Variants in PI4K2B observed in about 807,000 individuals in gnomAD.
PI4K2B encodes the protein phosphatidylinositol 4-kinase type 2 beta.
A neutral mutation model predicts 56.6 loss-of-function variants in PI4K2B; 46 were observed. That is an observed-to-expected ratio of 0.81 (90% CI 0.64 to 1.04). The LOEUF is 1.04. Ranked by LOEUF, PI4K2B falls within the 50% of genes least tolerant of loss-of-function variation. The probability of loss-of-function intolerance (pLI) is 0.00; values close to 1 mark genes in which losing one functional copy is unlikely to be tolerated. For missense variants in PI4K2B, 556 were observed against 607.7 expected, an observed-to-expected ratio of 0.91 and a Z score of 0.89; for synonymous variants, 211 against 223.8, an observed-to-expected ratio of 0.94 and a Z score of 0.51.
intron 7 of PI4K2B, 152 bp downstream of exon 7, chr4:25,264,001 A>G (rs889984162): frequency 4.2e-6 from 2 of 481,504 alleles, no homozygotes; most frequent in Non-Finnish European, 3.7e-6. Context: ...ATGCAAATGT[A>G]TACTACAGGG....
intron 9 of PI4K2B, chr4:25,276,399 T>C: frequency 3.7e-6 from 1 of 270,120 alleles, no homozygotes; most frequent in Non-Finnish European, 5.7e-6. Flanking sequence ...TCCCAAATTC[T>C]CTAACCTATT....
chr4:25,254,325 T>C (rs313536), intron 2 of PI4K2B: 53,081 of 631,650 alleles, frequency 0.084, 2,505 homozygotes, highest in South Asian at 0.16. Context: ...ACAGCAAACA[T>C]GTAATGTGGA....
rs372124355 is a variant in PI4K2B, at chr4:25,246,994, G to C, written c.269-5327G>C. On this transcript the variant is annotated intron_variant, in intron 1 of 9. Coordinates refer to ENST00000264864, the MANE Select transcript of PI4K2B (RefSeq NM_018323.4). The stretch of plus-strand genomic sequence containing the variant: ...GCAGCTCCAGTTCCCACCCGCACCT[G>C]TCCCTCCACACCTCCCCACAAGCTG... 1.2e-3 allele frequency among the ~76,000 whole-genome samples: 178 copies of C among 152,322 alleles called. 2 individuals carry two copies. In the South Asian group the frequency reaches 0.022, roughly 18 times the overall value.
intron 4 of PI4K2B, 66 bp downstream of exon 4, chr4:25,256,740 C>T (rs947439108): frequency 4.9e-6 from 7 of 1,436,516 alleles, no homozygotes; most frequent in African/African-American, 1.4e-5. Flanking sequence ...CTCTAGGAGC[C>T]AGGCATTGTG....
At chr4:25,249,013 T>G (rs1309103797) in intron 1 of PI4K2B, among the ~76,000 whole-genome samples, 1 of 152,142 alleles carries the variant, frequency 6.6e-6, no homozygotes, top group Non-Finnish European at 1.5e-5. Context: ...TGGTGATGAC[T>G]CTTAACGAGT....
At chr4:25,243,308 G>A (rs746909868) in intron 1 of PI4K2B, among the ~76,000 whole-genome samples, 6 of 152,304 alleles carry the variant, frequency 3.9e-5, no homozygotes, top group Middle Eastern at 3.4e-3. Context: ...TGATTGCTTC[G>A]GCATAGTGGA....
chr4:25,268,845 T>C (rs982038934), intron 8 of PI4K2B, among the ~76,000 whole-genome samples: 1 of 152,198 alleles, frequency 6.6e-6, no homozygotes, highest in Non-Finnish European at 1.5e-5. Flanking sequence ...ACTCTATAAA[T>C]TATAATACAT....
intron 9 of PI4K2B, among the ~76,000 whole-genome samples, chr4:25,275,941 A>G (rs897165153): frequency 1.3e-5 from 2 of 152,160 alleles, no homozygotes; most frequent in East Asian, 1.9e-4. Flanking sequence ...CATCTCTACA[A>G]TCAATCAGTC....
chr4:25,235,516 C>A (rs902824531), intron 1 of PI4K2B, among the ~76,000 whole-genome samples: 1 of 152,286 alleles, frequency 6.6e-6, no homozygotes. Flanking sequence ...GTAAATAAAT[C>A]AGAGAATCCC....
chr4:25,259,276 T>C (rs1716366970), intron 5 of PI4K2B, 86 bp downstream of exon 5: 1 of 959,588 alleles, frequency 1.0e-6, no homozygotes, highest in South Asian at 1.7e-5. Flanking sequence ...GGTAAACTTT[T>C]GTTGCAGAAG....
At chr4:25,236,501 A>G (rs1182999697) in intron 1 of PI4K2B, among the ~76,000 whole-genome samples, 1 of 152,106 alleles carries the variant, frequency 6.6e-6, no homozygotes, top group Non-Finnish European at 1.5e-5. Context: ...TGCAGTGAGC[A>G]GAGATGGCTC....
chr4:25,250,228 A>T (rs1715997400), intron 1 of PI4K2B, among the ~76,000 whole-genome samples: 1 of 151,990 alleles, frequency 6.6e-6, no homozygotes, highest in Non-Finnish European at 1.5e-5. Context: ...GGGAGAGGGG[A>T]GAGGGGAGAG....
At chr4:25,252,201 C>T in intron 1 of PI4K2B, 120 bp from the exon 2 acceptor site, 1 of 590,818 alleles carries the variant, frequency 1.7e-6, no homozygotes, top group South Asian at 2.7e-5. Flanking sequence ...AGGATTAGAG[C>T]AGTCTATACA....
chr4:25,235,405 C>T (rs1355422051), intron 1 of PI4K2B, among the ~76,000 whole-genome samples: 5 of 152,156 alleles, frequency 3.3e-5, no homozygotes, highest in Non-Finnish European at 1.5e-5. Context: ...TTTAAATGTA[C>T]TGTTAGTGGT....
At chr4:25,239,170 C>G (rs1024737317) in intron 1 of PI4K2B, among the ~76,000 whole-genome samples, 2 of 152,264 alleles carry the variant, frequency 1.3e-5, no homozygotes, top group Non-Finnish European at 2.9e-5. Flanking sequence ...AGGAGTCCAG[C>G]TGGCTTCACC....
chr4:25,238,696 G>A (rs966515882), intron 1 of PI4K2B, among the ~76,000 whole-genome samples: 8 of 152,084 alleles, frequency 5.3e-5, no homozygotes, highest in African/African-American at 9.7e-5. Context: ...TCCTGGTCTC[G>A]CTGGCTTCAG....
At chr4:25,275,708 C>A (rs1338783137) in intron 9 of PI4K2B, among the ~76,000 whole-genome samples, 1 of 152,060 alleles carries the variant, frequency 6.6e-6, no homozygotes, top group Non-Finnish European at 1.5e-5. Flanking sequence ...AAGGGAAGAA[C>A]TTAAAAGTGA....
intron 6 of PI4K2B, among the ~76,000 whole-genome samples, chr4:25,262,710 A>G (rs1013150172): frequency 4.6e-5 from 7 of 152,164 alleles, no homozygotes; most frequent in African/African-American, 1.7e-4. Flanking sequence ...CGAAGTTAAC[A>G]TCAGAGCCGT....
chr4:25,250,976 G>A, intron 1 of PI4K2B, among the ~76,000 whole-genome samples: 1 of 151,170 alleles, frequency 6.6e-6, no homozygotes, highest in East Asian at 1.9e-4. Context: ...GCCAGCAACT[G>A]CAATATGGGA....
Sources: gnomAD v4.1 joint callset for allele counts (sites outside exome capture counted in the v4.1 genomes callset) on GRCh38, gnomAD v4.1.1 for gene constraint, MANE v1.5 for transcripts, NCBI Gene and HGNC (gene_info 2026-07-23, HGNC 2026-07-21) for gene names.